CTNNAL1: variants seen among roughly 807,000 people sequenced by gnomAD.
CTNNAL1 encodes the protein alpha-catulin.
CTNNAL1 carries 69 observed loss-of-function variants against 93.6 expected under a neutral mutation model. The ratio of observed to expected loss-of-function variants is 0.74; its 90% confidence interval spans 0.61 to 0.90. The LOEUF (loss-of-function observed/expected upper bound fraction) is 0.90, where lower values mean the gene tolerates loss of function less well. CTNNAL1 is among the 40% of genes least tolerant of loss of function. CTNNAL1 has a pLI of 0.00. For synonymous variants in CTNNAL1, 286 were observed against 305.4 expected (o/e 0.94, Z 0.66); for missense variants, 836 against 862.0 (o/e 0.97, Z 0.38).
rs749620544 is a variant in CTNNAL1 at position 109,013,453 on chromosome 9, C to A, written c.-11G>T. The A allele has an allele frequency of 1.3e-5, 18 of 1,412,876 alleles. No individual in the cohort carries two copies. The South Asian group carries it at 2.7e-4, about 21-fold the overall frequency. 87.5% of individuals were successfully genotyped at this position (1,412,876 alleles called of 1,614,324 possible). A position where few individuals can be genotyped will look rare whatever the true frequency, so the allele number is the denominator to read the frequency against. On this transcript the variant is annotated 5_prime_UTR_variant, in exon 1 of 19. Coordinates refer to ENST00000325551, the MANE Select transcript of CTNNAL1 (RefSeq NM_003798.4). ...GGGAGAGGCGGCCATGGCCCTCGGT[C>A]TATCCCGCAGCCGGGACTCCGCGCC...
intron 8 of CTNNAL1, among the ~76,000 whole-genome samples, chr9:108,973,230 T>G (rs1173374627): frequency 1.3e-5 from 2 of 152,316 alleles, no homozygotes; most frequent in East Asian, 1.9e-4. Flanking sequence ...TGAAAAATGC[T>G]TCTGCTAATC....
At chr9:108,943,873 C>G (rs1294398093) in intron 16 of CTNNAL1, 57 bp from the exon 17 acceptor site, 7 of 1,601,994 alleles carry the variant, frequency 4.4e-6, no homozygotes, top group Middle Eastern at 3.3e-4. Flanking sequence ...TCTTTAATAC[C>G]TTAAACACAT....
intron 4 of CTNNAL1, among the ~76,000 whole-genome samples, chr9:108,986,289 G>A (rs912630965): frequency 1.4e-5 from 2 of 147,874 alleles, no homozygotes; most frequent in African/African-American, 5.0e-5. Context: ...TTGGTTTTTT[G>A]TCCTTGCGAT....
intron 7 of CTNNAL1, among the ~76,000 whole-genome samples, chr9:108,978,428 C>G (rs28361136): frequency 0.053 from 8,067 of 152,294 alleles, 328 homozygotes; most frequent in East Asian, 0.12. Flanking sequence ...TATCCACCCT[C>G]CTTCATCATC....
At chr9:108,959,703 T>G (rs1405717163) in intron 11 of CTNNAL1, among the ~76,000 whole-genome samples, 1 of 152,200 alleles carries the variant, frequency 6.6e-6, no homozygotes, top group Non-Finnish European at 1.5e-5. Context: ...CAGGACTATT[T>G]GGAGAAAATA....
chr9:108,979,633 G>A (rs954918295), intron 6 of CTNNAL1, 152 bp from the exon 7 acceptor site: 55 of 700,248 alleles, frequency 7.9e-5, no homozygotes, highest in East Asian at 6.2e-4. Flanking sequence ...ATCTATATTC[G>A]CCACTAACCC....
At chr9:108,955,688 A>G in intron 12 of CTNNAL1, 102 bp downstream of exon 12, 1 of 1,015,702 alleles carries the variant, frequency 9.8e-7, no homozygotes, top group Non-Finnish European at 1.5e-6. Flanking sequence ...TTTTTCTGTC[A>G]TGTCAATTAT....
At chr9:108,976,141 G>A (rs1831259569) in intron 8 of CTNNAL1, among the ~76,000 whole-genome samples, 1 of 152,090 alleles carries the variant, frequency 6.6e-6, no homozygotes, top group Non-Finnish European at 1.5e-5. Context: ...GTCCTCCCAT[G>A]CCCTTTTGCA....
At chr9:108,948,279 C>G (rs777479203) in intron 14 of CTNNAL1, 45 bp from the exon 15 acceptor site, 1 of 1,568,102 alleles carries the variant, frequency 6.4e-7, no homozygotes, top group Non-Finnish European at 8.7e-7. Context: ...AAGTTATTAC[C>G]TGAAAATTGA....
intron 1 of CTNNAL1, among the ~76,000 whole-genome samples, chr9:109,001,551 A>T (rs1003731555): frequency 6.6e-6 from 1 of 152,112 alleles, no homozygotes; most frequent in African/African-American, 2.4e-5. Flanking sequence ...CATCTTACTC[A>T]CTCACTCACT....
At chr9:108,948,135 C>T (rs748553558) in intron 15 of CTNNAL1, 51 bp downstream of exon 15, 1 of 1,586,100 alleles carries the variant, frequency 6.3e-7, no homozygotes, top group African/African-American at 1.3e-5. Context: ...ATTTATTACC[C>T]ACTTTTAGCC....
chr9:108,948,397 T>C (rs1439631648), intron 14 of CTNNAL1, among the ~76,000 whole-genome samples, 163 bp from the exon 15 acceptor site: 4 of 152,234 alleles, frequency 2.6e-5, no homozygotes, highest in African/African-American at 7.2e-5. Context: ...AAAGCAACTT[T>C]AATATTTGAC....
intron 2 of CTNNAL1, among the ~76,000 whole-genome samples, chr9:108,995,777 A>T (rs1001167470): frequency 1.3e-5 from 2 of 152,326 alleles, no homozygotes; most frequent in Admixed American, 1.3e-4. Flanking sequence ...ACTAATATTT[A>T]TTGAGCACTT....
intron 1 of CTNNAL1, among the ~76,000 whole-genome samples, chr9:109,011,863 A>G (rs952661414): frequency 6.6e-6 from 1 of 152,268 alleles, no homozygotes; most frequent in African/African-American, 2.4e-5. Context: ...ACCACATAGT[A>G]AGCATTACAT....
rs28361133 is a variant in CTNNAL1, at chr9:108,979,147, A to G, written c.1101+134T>C. Reference sequence around the variant, plus strand: ...GATATTTTGGCCAACTAGGAGGGAAAGAAGGGATGAGATATCCTGTCCCAT... The same window carrying G: ...GATATTTTGGCCAACTAGGAGGGAAGGAAGGGATGAGATATCCTGTCCCAT... On this transcript the variant is annotated intron_variant, in intron 7 of 18. Coordinates refer to ENST00000325551, the MANE Select transcript of CTNNAL1 (RefSeq NM_003798.4). 1.3e-3 allele frequency: 1,431 copies of G among 1,137,192 alleles called. 17 individuals are homozygous for G. The African/African-American group carries it at 0.02, about 16-fold the overall frequency. 70.4% of individuals were successfully genotyped at this position (1,137,192 alleles called of 1,614,324 possible).
At chr9:109,008,905 T>TTTTTA (rs1827123166) in intron 1 of CTNNAL1, among the ~76,000 whole-genome samples, 1 of 108,464 alleles carries the variant, frequency 9.2e-6, no homozygotes, top group Non-Finnish European at 1.8e-5. Context: ...TTTTTTTTTT[T>TTTTTA]GAGACAGGGT....
intron 8 of CTNNAL1, among the ~76,000 whole-genome samples, chr9:108,973,590 G>A (rs1831180388): frequency 6.6e-6 from 1 of 151,556 alleles, no homozygotes; most frequent in Admixed American, 6.6e-5. Flanking sequence ...GAACCCCATG[G>A]TTTTATTGAC....
chr9:108,996,416 G>T (rs140973179), intron 2 of CTNNAL1, among the ~76,000 whole-genome samples: 1 of 152,156 alleles, frequency 6.6e-6, no homozygotes, highest in African/African-American at 2.4e-5. Context: ...AGAAAAAAAG[G>T]CTTCTATATT....
intron 10 of CTNNAL1, among the ~76,000 whole-genome samples, chr9:108,965,970 G>C (rs993009867): frequency 2.8e-4 from 43 of 152,316 alleles, no homozygotes; most frequent in African/African-American, 1.0e-3. Flanking sequence ...ACACACCCAT[G>C]AGTACTTGGT....
Sources: gnomAD v4.1 joint callset for allele counts (sites outside exome capture counted in the v4.1 genomes callset) on GRCh38, gnomAD v4.1.1 for gene constraint, MANE v1.5 for transcripts, NCBI Gene and HGNC (gene_info 2026-07-23, HGNC 2026-07-21) for gene names.